The following UTP20 variants were observed in gnomAD, a reference collection of about 807,000 sequenced individuals.
The protein encoded by UTP20 is UTP20 small subunit processome component.
UTP20 carries 164 observed loss-of-function variants against 329.5 expected under a neutral mutation model. That is an observed-to-expected ratio of 0.50 (90% CI 0.44 to 0.57). UTP20 has a LOEUF of 0.57. UTP20 is among the 20% of genes least tolerant of loss of function. The pLI, the probability that UTP20 is intolerant of heterozygous loss-of-function variation, is 0.00. For missense variants in UTP20, 3,055 were observed against 3,284.2 expected (o/e 0.93, Z 1.71); for synonymous variants, 1,151 against 1,159.3 (o/e 0.99, Z 0.14).
At chr12:101,371,367 A>G (rs1870281860) in intron 51 of UTP20, among the ~76,000 whole-genome samples, 199 bp downstream of exon 51, 1 of 151,990 alleles carries the variant, frequency 6.6e-6, no homozygotes, top group African/African-American at 2.4e-5. Context: ...TTGAAGGAAG[A>G]AAAAGGCTTA....
At chr12:101,328,712 T>C (rs2137266245) in intron 26 of UTP20, among the ~76,000 whole-genome samples, 1 of 151,798 alleles carries the variant, frequency 6.6e-6, no homozygotes, top group East Asian at 1.9e-4. Flanking sequence ...CTACTAAAAA[T>C]ACAAAAACCA....
At chr12:101,312,013 T>G in intron 20 of UTP20, 23 bp from the exon 21 acceptor site, 1 of 1,613,780 alleles carries the variant, frequency 6.2e-7, no homozygotes, top group South Asian at 1.1e-5. Flanking sequence ...GTCTGGTGGT[T>G]ATGACAACTT....
intron 45 of UTP20, among the ~76,000 whole-genome samples, chr12:101,365,104 G>T (rs1870052975): frequency 6.9e-6 from 1 of 145,236 alleles, no homozygotes; most frequent in Non-Finnish European, 1.5e-5. Flanking sequence ...GTGTGTGTGT[G>T]TGTGTGTTTG....
chr12:101,371,275 G>A lies in UTP20; in HGVS notation c.6798+107G>A, dbSNP rs181175348. 137 of 842,044 alleles carry A rather than the reference G, an allele frequency of 1.6e-4. 1 individual carries two copies. In the African/African-American group the frequency reaches 1.8e-3, roughly 11 times the overall value. 52.2% of individuals were successfully genotyped at this position (842,044 alleles called of 1,614,324 possible). ...TCTGAAGACCACCTTGTGTCGTATT[G>A]TTGCTTTATGCTGAGACTTGGGCGT... On this transcript the variant is annotated intron_variant, in intron 51 of 61. Transcript: ENST00000261637.
At chr12:101,341,274 G>A (rs561074078) in intron 32 of UTP20, among the ~76,000 whole-genome samples, 155 of 151,912 alleles carry the variant, frequency 1.0e-3, no homozygotes, top group African/African-American at 3.5e-3. Flanking sequence ...CACCGCGCCC[G>A]GCCTCATTAT....
At chr12:101,302,341 C>T in intron 14 of UTP20, 107 bp from the exon 15 acceptor site, 1 of 673,960 alleles carries the variant, frequency 1.5e-6, no homozygotes, top group Non-Finnish European at 2.5e-6. Flanking sequence ...CATAAATTCA[C>T]TTTAAGAACT....
In UTP20 at chr12:101,287,488, C is replaced by T. The variant is rs757140846; in HGVS notation, c.515+979C>T. On this transcript the variant is annotated intron_variant, in intron 5 of 61. Transcript: ENST00000261637. Reference sequence around the variant, plus strand: ...TTATTTGCTTTCGGTGTGACAACTTCAGTAGCCTGGCTATTTTCACTTGTA... The same window carrying T: ...TTATTTGCTTTCGGTGTGACAACTTTAGTAGCCTGGCTATTTTCACTTGTA... 5.5e-4 allele frequency among the ~76,000 whole-genome samples: 83 copies of T among 152,266 alleles called. 1 individual carries two copies. Among genetic ancestry groups the T allele is most frequent in the Non-Finnish European group, 6.9e-4 (47 of 68,054 alleles).
intron 6 of UTP20, 121 bp downstream of exon 6, chr12:101,289,162 A>C: frequency 1.2e-6 from 1 of 826,212 alleles, no homozygotes; most frequent in Non-Finnish European, 1.9e-6. Context: ...GGATCACCTG[A>C]GGTCAGGAAT....
Position 101,281,167 on chromosome 12 carries a change from C to T in UTP20, c.97C>T (p.Arg33Trp), listed in dbSNP as rs1181779838. 21 of 1,612,978 alleles carry T rather than the reference C, an allele frequency of 1.3e-5. No individual in the cohort carries two copies. Among genetic ancestry groups the T allele is most frequent in the Admixed American group, 5.0e-5 (3 of 59,988 alleles). The stretch of plus-strand genomic sequence containing the variant: ...GAATGTTAATATTGATATTATTCAC[C>T]GGATTGATAGAACTGCAAGCTATGA... ...LGNVNIDIIHRIDRTASYEEE... is the reference protein window; with the variant it reads ...LGNVNIDIIHWIDRTASYEEE... The change falls in exon 2 of 62, where the codon CGG (arginine) becomes TGG (tryptophan). Residue 33 changes from arginine to tryptophan, a missense_variant. Arg to Trp is a moderately radical substitution (Grantham distance 101). This residue lies in a region of UTP20 where 2,445 missense variants were observed against 2,575.5 expected (regional missense o/e 0.95). Transcript: ENST00000261637.
intron 28 of UTP20, among the ~76,000 whole-genome samples, chr12:101,334,097 A>G (rs560529480): frequency 6.6e-6 from 1 of 152,322 alleles, no homozygotes; most frequent in East Asian, 1.9e-4. Context: ...GGTGATGGTA[A>G]CTGGTATAGG....
chr12:101,356,452 C>T (rs984341718), intron 41 of UTP20, 102 bp from the exon 42 acceptor site: 29 of 1,065,928 alleles, frequency 2.7e-5, no homozygotes, highest in Middle Eastern at 5.2e-4. Context: ...TATGATCATC[C>T]ATCCTTCTAG....
At position 101,363,736 on chromosome 12, in the gene UTP20, T is replaced by C; in HGVS notation, c.5951T>C (p.Leu1984Ser). ...CAGGTTACAAAACTCATCCTTCCAT[T>C]AAAAGAGGTAAGGACGTAAATGCAA... ...KDQVTKLILP[L>S]KEILQNTTSL... The change falls in exon 45 of 62, where the codon TTA becomes TCA. Residue 1984 changes from leucine to serine, a missense_variant. By Grantham distance (145) the Leu-to-Ser change is moderately radical. Transcript: ENST00000261637. 6.3e-7 allele frequency: 1 copy of C among 1,594,858 alleles called. No homozygotes were observed. Among genetic ancestry groups the C allele is most frequent in the Non-Finnish European group, 8.6e-7 (1 of 1,162,714 alleles).
intron 4 of UTP20, 82 bp from the exon 5 acceptor site, chr12:101,286,239 C>A: frequency 7.9e-7 from 1 of 1,262,756 alleles, no homozygotes; most frequent in Non-Finnish European, 1.1e-6. Context: ...ATCCTATGAT[C>A]ATAGGCCACC....
chr12:101,311,650 T>TC, intron 19 of UTP20, 69 bp from the exon 20 acceptor site: 3 of 1,331,440 alleles, frequency 2.3e-6, no homozygotes, highest in Non-Finnish European at 3.0e-6. Flanking sequence ...ACTCTTTTTT[T>TC]TTTTTCTATG....
chr12:101,315,585 C>G (rs976269653), intron 21 of UTP20, among the ~76,000 whole-genome samples: 1 of 151,948 alleles, frequency 6.6e-6, no homozygotes, highest in Non-Finnish European at 1.5e-5. Context: ...TGGCAAGGCA[C>G]AAGCAAAGAT....
At chr12:101,295,874 CAT>C (rs747036642) in intron 12 of UTP20, among the ~76,000 whole-genome samples, 2 of 152,106 alleles carry the variant, frequency 1.3e-5, no homozygotes, top group African/African-American at 2.4e-5. Context: ...CATAGAAAAA[CAT>C]GTGGAAGGAT....
chr12:101,385,450 TG>T (rs564112421), intron 60 of UTP20, 132 bp from the exon 61 acceptor site: 17,882 of 1,022,372 alleles, frequency 0.017, 357 homozygotes, highest in Non-Finnish European at 0.021. Context: ...GTTGAAATTT[TG>T]TTTTGTTTTA....
At chr12:101,345,454 A>G in intron 36 of UTP20, 100 bp from the exon 37 acceptor site, 8 of 859,542 alleles carry the variant, frequency 9.3e-6, no homozygotes, top group Non-Finnish European at 1.4e-5. Flanking sequence ...AACAGTGGAA[A>G]TATTTTACTT....
chr12:101,352,011 A>G, intron 38 of UTP20, 44 bp from the exon 39 acceptor site: 2 of 1,603,636 alleles, frequency 1.2e-6, no homozygotes, highest in South Asian at 1.1e-5. Flanking sequence ...GCATTTTATT[A>G]GCAAATACTT....
Sources: allele counts gnomAD v4.1 joint callset (sites outside exome capture counted in the v4.1 genomes callset), GRCh38; gene constraint gnomAD v4.1.1; regional missense constraint gnomAD v4.1.1; transcripts MANE v1.5; gene names NCBI Gene and HGNC (gene_info 2026-07-23, HGNC 2026-07-21).